The following TKTL1 variants were observed in gnomAD, a reference collection of about 807,000 sequenced individuals.
TKTL1 encodes the protein transketolase-like protein 1.
A neutral mutation model predicts 39.3 loss-of-function variants in TKTL1; 1 was observed. The ratio of observed to expected loss-of-function variants is 0.03; its 90% CI spans 0.01 to 0.12. The LOEUF is 0.12. Ranked by LOEUF, TKTL1 falls within the 10% of genes least tolerant of loss-of-function variation. TKTL1 has a pLI of 1.00. For missense variants in TKTL1, 575 were observed against 509.6 expected (o/e 1.13, Z -1.24); for synonymous variants, 262 against 193.8 (o/e 1.35, Z -2.92).
chrX:154,304,616 AAATGGGGGAGGGACAGTCCCCATTTTCTT>A (rs2067300580), intron 1 of TKTL1, among the ~76,000 whole-genome samples: 1 of 108,269 alleles, frequency 9.2e-6, no homozygotes, highest in Non-Finnish European at 1.9e-5. Flanking sequence ...CCCATTAAGA[AAATGGGGGAGGGACAGTCCCCATTTTCTT>A]AATGGGGACT....
At position 154,325,944 on chromosome X, in the gene TKTL1, C is replaced by T. The variant is rs1328165767; in HGVS notation, c.1401+522C>T. ...GGCAGCAGTGAGCTATGATGGATCA[C>T]ACCACTGTACTCCAGCCTGGGTGAC... On this transcript the variant is annotated intron_variant, in intron 10 of 12. Transcript: ENST00000369915. Among the ~76,000 whole-genome samples the T allele has an allele frequency of 1.1e-3, 120 of 112,041 alleles. 6 individuals carry two copies. Among genetic ancestry groups the T allele is most frequent in the Non-Finnish European group, 1.1e-4 (6 of 53,205 alleles).
rs181449221 is a variant in TKTL1 at position 154,324,921 on chromosome X, A to G, written c.1318-418A>G. On this transcript the variant is annotated intron_variant, in intron 9 of 12. Transcript: ENST00000369915. ...AAAAATGTATTTACATTTTATTGGG[A>G]AAGGGGCCAGTCGTCTTGTATTCAG... Among the ~76,000 whole-genome samples the G allele has an allele frequency of 1.1e-3, 129 of 112,353 alleles. 1 individual carries two copies. Among genetic ancestry groups the G allele is most frequent in the South Asian group, 0.011 (30 of 2,749 alleles).
At chrX:154,297,998 TG>T (rs1557165035) in intron 1 of TKTL1, among the ~76,000 whole-genome samples, 1 of 111,951 alleles carries the variant, frequency 8.9e-6, no homozygotes, top group African/African-American at 3.2e-5. Context: ...TTTTATTTAT[TG>T]GGCGTTTTTT....
intron 3 of TKTL1, among the ~76,000 whole-genome samples, chrX:154,310,031 G>A (rs2067343738): frequency 9.0e-6 from 1 of 110,931 alleles, no homozygotes; most frequent in African/African-American, 3.3e-5. Flanking sequence ...CACTGTGCCT[G>A]GCCAGATGTG....
At chrX:154,328,499 T>G (rs2148088171) in intron 12 of TKTL1, among the ~76,000 whole-genome samples, 1 of 78,818 alleles carries the variant, frequency 1.3e-5, no homozygotes, top group South Asian at 7.6e-4. Context: ...TGAGCCAGGA[T>G]CATACCATTG....
intron 7 of TKTL1, among the ~76,000 whole-genome samples, chrX:154,318,807 T>C (rs1401028032): frequency 2.7e-5 from 3 of 110,858 alleles, no homozygotes. Context: ...GCCACTTTTC[T>C]TTGTCAGAAA....
chrX:154,327,753 G>C (rs1557172273), intron 11 of TKTL1, 66 bp downstream of exon 11: 1 of 1,191,996 alleles, frequency 8.4e-7, no homozygotes, highest in African/African-American at 1.8e-5. Context: ...GCTACCTCCT[G>C]TGCCCTGAGT....
intron 6 of TKTL1, 103 bp downstream of exon 6, chrX:154,312,876 A>G (rs1360421371): frequency 9.0e-6 from 7 of 781,226 alleles, no homozygotes; most frequent in East Asian, 6.7e-5. Context: ...TCTGGTCTCC[A>G]TGGACGAACC....
At chrX:154,328,295 G>A (rs1361515005) in intron 12 of TKTL1, among the ~76,000 whole-genome samples, 1 of 109,884 alleles carries the variant, frequency 9.1e-6, no homozygotes. Context: ...TGTCATCCCA[G>A]CACTTTGGGA....
At chrX:154,325,013 A>T (rs782187441) in intron 9 of TKTL1, among the ~76,000 whole-genome samples, 71 of 112,162 alleles carry the variant, frequency 6.3e-4, no homozygotes, top group African/African-American at 2.1e-3. Context: ...TAATGTTTTA[A>T]CATTCTATTC....
chrX:154,318,909 A>G (rs1032507865), intron 7 of TKTL1, among the ~76,000 whole-genome samples: 8 of 111,200 alleles, frequency 7.2e-5, no homozygotes, highest in Non-Finnish European at 1.5e-4. Flanking sequence ...TGATTGTCCT[A>G]TCATTTTTCT....
chrX:154,299,217 A>C (rs1305706269), intron 1 of TKTL1, among the ~76,000 whole-genome samples: 1 of 89,907 alleles, frequency 1.1e-5, no homozygotes, highest in Non-Finnish European at 2.1e-5. Context: ...GTGCAGTGGC[A>C]CAATCTAGGC....
chrX:154,318,185 C>T (rs1367150965), intron 7 of TKTL1, among the ~76,000 whole-genome samples: 3 of 111,139 alleles, frequency 2.7e-5, no homozygotes, highest in Non-Finnish European at 5.7e-5. Flanking sequence ...CCTCTGGCCT[C>T]GGCCTCTTGA....
At chrX:154,300,847 C>T (rs1486912450) in intron 1 of TKTL1, among the ~76,000 whole-genome samples, 3 of 110,188 alleles carry the variant, frequency 2.7e-5, no homozygotes, top group Admixed American at 9.7e-5. Context: ...TGTGTGCCAC[C>T]GCACCCGGCA....
chrX:154,296,369 G>A (rs141306401), intron 1 of TKTL1, among the ~76,000 whole-genome samples: 89 of 111,387 alleles, frequency 8.0e-4, no homozygotes, highest in East Asian at 6.2e-3. Context: ...TCATTTTAGC[G>A]GGGAGCAGGG....
Position 154,295,917 on chromosome X carries a change from A to G in TKTL1, c.58A>G (p.Thr20Ala), listed in dbSNP as rs1557164248. ...FPEEARPDRG[T>A]LQVLQDMASR... ...GGAGGAGGCCAGACCTGACAGGGGCACCTTGCAGGTGTTGCAAGATATGGC... is the reference window on the plus strand; with the variant it reads ...GGAGGAGGCCAGACCTGACAGGGGCGCCTTGCAGGTGTTGCAAGATATGGC... Residue 20 changes from threonine (T) to alanine (A), a missense_variant, in exon 1 of 13, where the codon ACC becomes GCC. Coordinates refer to ENST00000369915, the MANE Select transcript of TKTL1 (RefSeq NM_012253.4). 4.1e-6 allele frequency: 5 copies of G among 1,211,682 alleles called. No homozygotes were observed. The highest frequency in any genetic ancestry group is 1.8e-5 in the South Asian group (1 of 57,013).
chrX:154,315,456 C>T (rs188430334), intron 7 of TKTL1, 119 bp downstream of exon 7: 3 of 821,890 alleles, frequency 3.7e-6, no homozygotes, highest in South Asian at 3.0e-5. Flanking sequence ...AAAAAAATTT[C>T]CTGGGAAGCA....
intron 7 of TKTL1, among the ~76,000 whole-genome samples, chrX:154,316,508 G>A (rs1229566927): frequency 1.3e-4 from 15 of 111,531 alleles, no homozygotes; most frequent in African/African-American, 4.9e-4. Context: ...ACGCTGCAAT[G>A]TACCACTGCA....
chrX:154,312,918 G>C, intron 6 of TKTL1, 145 bp downstream of exon 6: 1 of 573,802 alleles, frequency 1.7e-6, no homozygotes. Context: ...CTAACAGTTC[G>C]TAGGCAATAA....
Sources: gnomAD v4.1 joint callset for allele counts (sites outside exome capture counted in the v4.1 genomes callset) on GRCh38, gnomAD v4.1.1 for gene constraint, MANE v1.5 for transcripts, NCBI Gene and HGNC (gene_info 2026-07-23, HGNC 2026-07-21) for gene names.